Variants in NCOA3 observed in about 807,000 individuals in gnomAD.
The protein encoded by NCOA3 is nuclear receptor coactivator 3.
NCOA3 carries 51 observed loss-of-function variants against 158.8 expected under a neutral mutation model. The ratio of observed to expected loss-of-function variants is 0.32; its 90% confidence interval spans 0.26 to 0.41. The LOEUF (loss-of-function observed/expected upper bound fraction) is 0.41. Ranked by LOEUF, NCOA3 falls within the 10% of genes least tolerant of loss-of-function variation. The pLI, the probability that NCOA3 is intolerant of heterozygous loss-of-function variation, is 1.00. For synonymous variants in NCOA3, 537 were observed against 592.4 expected (o/e 0.91, Z 1.36); for missense variants, 1,510 against 1,746.6 (o/e 0.86, Z 2.41).
intron 1 of NCOA3, among the ~76,000 whole-genome samples, chr20:47,503,703 G>A (rs1224013540): frequency 6.6e-6 from 1 of 152,136 alleles, no homozygotes; most frequent in African/African-American, 2.4e-5. Context: ...TATTAATACC[G>A]TTAAATAACA....
At chr20:47,531,403 T>G (rs1488206333) in intron 1 of NCOA3, among the ~76,000 whole-genome samples, 1 of 152,146 alleles carries the variant, frequency 6.6e-6, no homozygotes, top group Non-Finnish European at 1.5e-5. Flanking sequence ...TAAATGAACC[T>G]TTAAACTGCA....
chr20:47,638,321 A>C (rs2086549796), intron 13 of NCOA3, among the ~76,000 whole-genome samples: 1 of 152,204 alleles, frequency 6.6e-6, no homozygotes, highest in African/African-American at 2.4e-5. Context: ...AAGGCATGAG[A>C]ATCGCTTGAA....
chr20:47,575,556 G>C (rs1490041739), intron 1 of NCOA3, among the ~76,000 whole-genome samples: 1 of 152,066 alleles, frequency 6.6e-6, no homozygotes, highest in Non-Finnish European at 1.5e-5. Flanking sequence ...AGTTATTTTG[G>C]AACCCTTCAG....
chr20:47,513,505 C>T (rs2146060259), intron 1 of NCOA3, among the ~76,000 whole-genome samples: 1 of 152,186 alleles, frequency 6.6e-6, no homozygotes, highest in African/African-American at 2.4e-5. Context: ...GCAAGCAGAT[C>T]ATTCAAGGCC....
chr20:47,597,876 T>G (rs1463762039), intron 2 of NCOA3, among the ~76,000 whole-genome samples: 1 of 152,076 alleles, frequency 6.6e-6, no homozygotes, highest in East Asian at 1.9e-4. Flanking sequence ...CTTTCCCCAT[T>G]AGAGCCCGTT....
chr20:47,618,348 G>GTTTTTTTTTT (rs71183269), intron 2 of NCOA3, among the ~76,000 whole-genome samples: 1 of 101,378 alleles, frequency 9.9e-6, no homozygotes, highest in Non-Finnish European at 1.9e-5. Flanking sequence ...TTTTCCCTTA[G>GTTTTTTTTTT]TTTTTTTTTT....
At chr20:47,585,086 C>T (rs914936722) in intron 2 of NCOA3, among the ~76,000 whole-genome samples, 3 of 139,696 alleles carry the variant, frequency 2.1e-5, no homozygotes, top group Non-Finnish European at 4.5e-5. Context: ...CAGACTCCCT[C>T]TGTCACCCAG....
chr20:47,539,729 C>T (rs1363541067), intron 1 of NCOA3, among the ~76,000 whole-genome samples: 6 of 152,152 alleles, frequency 3.9e-5, no homozygotes, highest in African/African-American at 9.7e-5. Context: ...CATTATTTTA[C>T]GTATTACTAG....
chr20:47,633,761 G>A, intron 9 of NCOA3, 125 bp downstream of exon 9: 1 of 1,083,078 alleles, frequency 9.2e-7, no homozygotes, highest in Non-Finnish European at 1.3e-6. Context: ...CTTCTGAGTA[G>A]CCAAGACTGC....
chr20:47,602,114 T>C (rs2085874182), intron 2 of NCOA3, among the ~76,000 whole-genome samples: 1 of 152,360 alleles, frequency 6.6e-6, no homozygotes, highest in Admixed American at 6.5e-5. Flanking sequence ...TGCAGGCTAC[T>C]TCATTCATTT....
intron 1 of NCOA3, among the ~76,000 whole-genome samples, chr20:47,528,954 A>T (rs2425942): frequency 1.3e-5 from 2 of 151,632 alleles, no homozygotes; most frequent in African/African-American, 2.4e-5. Flanking sequence ...TTAGTAGAGA[A>T]GGGGGTTTCT....
chr20:47,611,298 G>T (rs1289288214), intron 2 of NCOA3, among the ~76,000 whole-genome samples: 4 of 151,994 alleles, frequency 2.6e-5, no homozygotes, highest in Admixed American at 6.6e-5. Context: ...TCTTTATCCA[G>T]TTCTTTCTCA....
At chr20:47,522,406 C>CTTT (rs3091963) in intron 1 of NCOA3, among the ~76,000 whole-genome samples, 28 of 128,138 alleles carry the variant, frequency 2.2e-4, no homozygotes, top group African/African-American at 7.7e-4. Context: ...GCGCCCGGCC[C>CTTT]TTTTTTTTTT....
chr20:47,512,507 G>A (rs1484662559), intron 1 of NCOA3, among the ~76,000 whole-genome samples: 2 of 151,024 alleles, frequency 1.3e-5, no homozygotes, highest in African/African-American at 4.9e-5. Context: ...GGCGAAGGTT[G>A]CAGTGTGCCG....
chr20:47,501,915 C>T lies in NCOA3; in HGVS notation c.-203C>T, dbSNP rs565000148. ...TGCTGCTGTCTCAGCCGCTCCACAG[C>T]GACGGCAGCGGCTGCGGCTTAGTCG... On this transcript the variant is annotated 5_prime_UTR_variant, in exon 1 of 23. Coordinates refer to ENST00000371998, the MANE Select transcript of NCOA3 (RefSeq NM_181659.3). 2.5e-5 allele frequency: 10 copies of T among 400,530 alleles called. No individual in the cohort carries two copies. The highest frequency in any genetic ancestry group is 1.0e-4 in the African/African-American group (5 of 48,750). 24.8% of individuals were successfully genotyped at this position (400,530 alleles called of 1,614,324 possible). A position where few individuals can be genotyped will look rare whatever the true frequency, so the allele number is the denominator to read the frequency against.
Position 47,622,137 on chromosome 20 carries a change from TA to T in NCOA3, c.-19-88del, listed in dbSNP as rs2086251252. The stretch of plus-strand genomic sequence containing the variant: ...CTGTTTAGAGAAAGTAGTTCTGAAT[TA>T]AAAGTTGCAGTCATTCAGTCATATA... On this transcript the variant is annotated intron_variant, in intron 2 of 22. Transcript: ENST00000371998. 3 of 627,484 alleles carry T rather than the reference TA, an allele frequency of 4.8e-6. No homozygotes were observed. In the East Asian group the frequency reaches 9.4e-5, roughly 20 times the overall value. The allele number at this position is 627,484 out of a possible 1,614,324, so 38.9% of individuals were successfully genotyped here.
chr20:47,580,197 T>C (rs1301999734), intron 1 of NCOA3, among the ~76,000 whole-genome samples: 1 of 151,844 alleles, frequency 6.6e-6, no homozygotes, highest in Non-Finnish European at 1.5e-5. Flanking sequence ...ATCTAGGCCC[T>C]CTCACCACCT....
chr20:47,567,731 G>A (rs146717386), intron 1 of NCOA3, among the ~76,000 whole-genome samples: 2,384 of 152,080 alleles, frequency 0.016, 63 homozygotes, highest in African/African-American at 0.053. Flanking sequence ...TACCGTGCCC[G>A]GCCAATATTT....
intron 2 of NCOA3, among the ~76,000 whole-genome samples, chr20:47,592,068 G>A (rs1255471629): frequency 6.6e-6 from 1 of 152,118 alleles, no homozygotes; most frequent in African/African-American, 2.4e-5. Context: ...TTGAGGTGGA[G>A]TTTCGTTCTT....
Sources: allele counts gnomAD v4.1 joint callset (sites outside exome capture counted in the v4.1 genomes callset), GRCh38; gene constraint gnomAD v4.1.1; transcripts MANE v1.5; gene names NCBI Gene and HGNC (gene_info 2026-07-23, HGNC 2026-07-21).